Variants in USP15 observed in about 807,000 individuals in gnomAD.
The protein encoded by USP15 is ubiquitin specific peptidase 15.
Under a neutral mutation model 127.1 loss-of-function variants are expected in USP15, and 18 were observed. The observed-to-expected ratio is 0.14, with a 90% CI of 0.10 to 0.21. USP15 has a LOEUF of 0.21. Among genes scored for constraint, USP15 ranks in the 10% least tolerant of loss-of-function variants. The pLI is 1.00. For missense variants in USP15, 805 were observed against 1,159.9 expected (o/e 0.69, Z 4.44); for synonymous variants, 364 against 393.7 (o/e 0.92, Z 0.89).
chr12:62,392,552 TAAA>T (rs2067357403), intron 18 of USP15, among the ~76,000 whole-genome samples, 165 bp downstream of exon 18: 1 of 152,136 alleles, frequency 6.6e-6, no homozygotes, highest in Admixed American at 6.5e-5. Context: ...GGGAATGTCT[TAAA>T]AAATACGATT....
At chr12:62,339,659 T>C (rs2065587456) in intron 6 of USP15, among the ~76,000 whole-genome samples, 1 of 152,240 alleles carries the variant, frequency 6.6e-6, no homozygotes, top group African/African-American at 2.4e-5. Context: ...GTTTTTGTCA[T>C]TGGTTCTGTT....
At chr12:62,389,549 G>T in intron 12 of USP15, 35 bp downstream of exon 12, 2 of 1,611,264 alleles carry the variant, frequency 1.2e-6, no homozygotes, top group Non-Finnish European at 1.7e-6. Context: ...ATATAAGTTG[G>T]TATTTAGTTT....
At chr12:62,393,261 G>T in intron 19 of USP15, 59 bp downstream of exon 19, 2 of 1,567,424 alleles carry the variant, frequency 1.3e-6, no homozygotes, top group Non-Finnish European at 1.7e-6. Context: ...CTTATTTGAT[G>T]CTTTTTGTTA....
chr12:62,261,353 A>G (rs1178507268), intron 1 of USP15, among the ~76,000 whole-genome samples: 1 of 152,256 alleles, frequency 6.6e-6, no homozygotes, highest in Non-Finnish European at 1.5e-5. Flanking sequence ...GGCATCTACA[A>G]TAACTTAAAT....
intron 2 of USP15, 91 bp downstream of exon 2, chr12:62,294,397 A>C: frequency 6.9e-7 from 1 of 1,442,742 alleles, no homozygotes; most frequent in Non-Finnish European, 9.4e-7. Context: ...TGTTAGCGCA[A>C]ATAAGTTGAT....
intron 3 of USP15, among the ~76,000 whole-genome samples, chr12:62,307,361 T>A (rs1384928083): frequency 3.3e-5 from 5 of 152,172 alleles, no homozygotes; most frequent in Non-Finnish European, 5.9e-5. Flanking sequence ...AGTCAAGGAA[T>A]TTCTAGTATT....
chr12:62,314,740 G>A lies in USP15; in HGVS notation c.349-50G>A, dbSNP rs367758628. The A allele has an allele frequency of 2.0e-5, 28 of 1,417,074 alleles. No individual in the cohort carries two copies. In the African/African-American group the frequency reaches 3.4e-4, roughly 17 times the overall value. 87.8% of individuals were successfully genotyped at this position (1,417,074 alleles called of 1,614,324 possible). A position where few individuals can be genotyped will look rare whatever the true frequency, so the allele number is the denominator to read the frequency against. On this transcript the variant is annotated intron_variant, in intron 3 of 21. Coordinates refer to ENST00000280377, the MANE Select transcript of USP15 (RefSeq NM_001252078.2). The stretch of plus-strand genomic sequence containing the variant: ...TCTTTAAATGTATTGTTATTAGAGT[G>A]AAATATATTGATATAGGTGACACTG...
chr12:62,277,534 A>G (rs2063528658), intron 1 of USP15: 1 of 152,118 alleles, frequency 6.6e-6, no homozygotes, highest in Non-Finnish European at 1.5e-5. Flanking sequence ...CCATGAATGG[A>G]GTTTGCAGGG....
intron 6 of USP15, among the ~76,000 whole-genome samples, chr12:62,345,208 A>G (rs147809415): frequency 8.5e-5 from 13 of 152,292 alleles, no homozygotes; most frequent in Non-Finnish European, 1.8e-4. Flanking sequence ...CACATCCTGA[A>G]TGGTTTGCTG....
chr12:62,296,904 T>C (rs530738406), intron 2 of USP15, among the ~76,000 whole-genome samples: 14 of 152,250 alleles, frequency 9.2e-5, no homozygotes, highest in Admixed American at 6.5e-4. Flanking sequence ...CAGGCCAGTT[T>C]TCTAAAAAAA....
chr12:62,368,886 T>G (rs763012511), intron 8 of USP15, among the ~76,000 whole-genome samples: 8 of 152,204 alleles, frequency 5.3e-5, no homozygotes, highest in Non-Finnish European at 1.0e-4. Flanking sequence ...GTTGATGCTG[T>G]TTTTTCATAG....
At position 62,261,336 on chromosome 12, in the gene USP15, A is replaced by G. The variant is rs1379009889; in HGVS notation, c.89+833A>G. 2.0e-5 allele frequency among the ~76,000 whole-genome samples: 3 copies of G among 152,366 alleles called. No individual in the cohort carries two copies. The South Asian group carries it at 6.2e-4, about 32-fold the overall frequency. On this transcript the variant is annotated intron_variant, in intron 1 of 21. Coordinates refer to ENST00000280377, the MANE Select transcript of USP15 (RefSeq NM_001252078.2). Reference sequence around the variant, plus strand: ...GGACATTTTCACACTTGTCGACCATATCAAGTGGCATCTACAATAACTTAA... The same window carrying G: ...GGACATTTTCACACTTGTCGACCATGTCAAGTGGCATCTACAATAACTTAA...
chr12:62,400,613 T>TAAA lies in USP15; in HGVS notation c.2675-561_2675-559dup, dbSNP rs5798641. Among the ~76,000 whole-genome samples, 353 of 137,428 alleles carry TAAA rather than the reference T, an allele frequency of 2.6e-3. 1 individual carries two copies. Among genetic ancestry groups the TAAA allele is most frequent in the Non-Finnish European group, 4.4e-3 (279 of 62,902 alleles). 90.2% of individuals were successfully genotyped at this position (137,428 alleles called of 152,430 possible). A position where few individuals can be genotyped will look rare whatever the true frequency, so the allele number is the denominator to read the frequency against. On this transcript the variant is annotated intron_variant, in intron 20 of 21. Transcript: ENST00000280377. ...TAAAGACTAAAAGAGATTCTGGTGT[T>TAAA]AAAAAAAAAAAAAAACACTATAGCA... is the stretch of plus-strand genomic sequence containing the variant.
In USP15 at chr12:62,396,331, T is replaced by C. The variant is rs2067490392; in HGVS notation, c.2607T>C (p.Asn869=). The C allele has an allele frequency of 1.3e-6, 2 of 1,596,240 alleles. No homozygotes were observed. The highest frequency in any genetic ancestry group is 1.7e-6 in the Non-Finnish European group (2 of 1,174,696). ...TGTCGGAATTCTTAATTAATCCAAA[T>C]GCAGGTCCTTGCCGCTATAATCTGA... is the stretch of plus-strand genomic sequence containing the variant. The part of the protein sequence containing the change: ...LDMSEFLINP[N]AGPCRYNLIA... The change falls in exon 20 of 22, where the codon AAT becomes AAC. Residue 869 remains asparagine, a synonymous_variant. Transcript: ENST00000280377.
intron 7 of USP15, among the ~76,000 whole-genome samples, chr12:62,352,820 G>T (rs1017811621): frequency 1.2e-5 from 1 of 82,856 alleles, no homozygotes; most frequent in Non-Finnish European, 2.5e-5. Context: ...GAAAGGTAAG[G>T]TTCAATTTCA....
chr12:62,275,979 AG>A (rs2063479937), intron 1 of USP15, among the ~76,000 whole-genome samples: 1 of 125,002 alleles, frequency 8.0e-6, no homozygotes, highest in East Asian at 2.4e-4. Flanking sequence ...GAAGGACTTG[AG>A]AGATTGAAAA....
intron 1 of USP15, among the ~76,000 whole-genome samples, chr12:62,265,442 T>C (rs2063169341): frequency 6.6e-6 from 1 of 152,220 alleles, no homozygotes; most frequent in South Asian, 2.1e-4. Flanking sequence ...AATCATAGGC[T>C]CAAAAAGGTT....
At chr12:62,383,271 G>A (rs777094475) in intron 9 of USP15, among the ~76,000 whole-genome samples, 4 of 151,920 alleles carry the variant, frequency 2.6e-5, no homozygotes, top group East Asian at 3.9e-4. Flanking sequence ...CAACATTTTC[G>A]TCAACCAGAC....
Position 62,391,185 on chromosome 12 carries a change from T to G in USP15, c.1989T>G (p.Asp663Glu). ...PSEMETDEPD[D>E]ESSQDQELPS... ...AAATGGAAACAGATGAGCCAGATGA[T>G]GAATCCAGCCAGGATCAAGAACTTC... Residue 663 changes from aspartate to glutamate, a missense_variant, in exon 16 of 22, where the codon GAT (aspartate) becomes GAG (glutamate). Physicochemically the swap from Asp to Glu is conservative, Grantham distance 45. Around this residue, in one of 11 missense-constraint regions of USP15, gnomAD observed 225 missense variants for 239.5 expected, o/e 0.94. Transcript: ENST00000280377. The G allele has an allele frequency of 6.2e-7, 1 of 1,613,018 alleles. No individual in the cohort carries two copies. The highest frequency in any genetic ancestry group is 8.5e-7 in the Non-Finnish European group (1 of 1,179,626).
Sources: gnomAD v4.1 joint callset for allele counts (sites outside exome capture counted in the v4.1 genomes callset) on GRCh38, gnomAD v4.1.1 for gene constraint, gnomAD v4.1.1 regional missense constraint, MANE v1.5 for transcripts, NCBI Gene and HGNC (gene_info 2026-07-23, HGNC 2026-07-21) for gene names.